RREB1: variants seen among roughly 807,000 people sequenced by gnomAD.
RREB1 encodes ras responsive element binding protein 1.
In RREB1, 27 loss-of-function variants were observed where a neutral mutation model predicts 117.8. The observed-to-expected ratio is 0.23, with a 90% CI of 0.17 to 0.32. RREB1 has a LOEUF of 0.32. Ranked by LOEUF, RREB1 falls within the 10% of genes least tolerant of loss-of-function variation. The pLI is 1.00. For missense variants in RREB1, 2,577 were observed against 2,378.2 expected (o/e 1.08, Z -1.74); for synonymous variants, 1,298 against 1,026.7 (o/e 1.26, Z -5.05).
At chr6:7,151,995 C>T (rs781707768) in intron 1 of RREB1, among the ~76,000 whole-genome samples, 7 of 152,140 alleles carry the variant, frequency 4.6e-5, no homozygotes, top group Non-Finnish European at 8.8e-5. Flanking sequence ...GTTTTCAAAA[C>T]GTTGGATATT....
chr6:7,180,492 A>T (rs1056899114), intron 2 of RREB1, among the ~76,000 whole-genome samples: 2 of 152,206 alleles, frequency 1.3e-5, no homozygotes, highest in African/African-American at 4.8e-5. Flanking sequence ...ATATCCAATT[A>T]CCTTATGGTA....
intron 1 of RREB1, among the ~76,000 whole-genome samples, chr6:7,144,102 C>T (rs1762754707): frequency 6.6e-6 from 1 of 151,708 alleles, no homozygotes; most frequent in African/African-American, 2.4e-5. Flanking sequence ...ATGTGACTTC[C>T]AAATTTTCCT....
intron 1 of RREB1, among the ~76,000 whole-genome samples, chr6:7,135,336 A>G (rs1328374613): frequency 3.3e-5 from 5 of 152,226 alleles, no homozygotes; most frequent in Admixed American, 2.6e-4. Flanking sequence ...AAAGTACCAT[A>G]TAAAGGATTA....
At chr6:7,209,594 G>A (rs150687562) in intron 6 of RREB1, among the ~76,000 whole-genome samples, 1,688 of 125,604 alleles carry the variant, frequency 0.013, 15 homozygotes, top group Middle Eastern at 0.032. Flanking sequence ...TTTTTTTTGA[G>A]ACCGGTTCTC....
chr6:7,238,126 C>G lies in RREB1; in HGVS notation c.3809-2312C>G, dbSNP rs143593993. ...GTTCTTTTCTCAATCTGGCCAGACT[C>G]AGAGAAGCAGCAGTGTTACCTTTTG... On this transcript the variant is annotated intron_variant, in intron 10 of 12. Transcript: ENST00000379938. 1.4e-4 allele frequency among the ~76,000 whole-genome samples: 21 copies of G among 152,298 alleles called. 1 individual carries two copies. The East Asian group carries it at 4.0e-3, about 29-fold the overall frequency.
chr6:7,149,890 T>C (rs1166313688), intron 1 of RREB1, among the ~76,000 whole-genome samples: 6 of 152,270 alleles, frequency 3.9e-5, no homozygotes, highest in Admixed American at 3.3e-4. Flanking sequence ...GGTTTCACCA[T>C]GTTGGCCAGG....
chr6:7,242,649 C>T (rs143632668), intron 11 of RREB1, among the ~76,000 whole-genome samples: 1 of 150,944 alleles, frequency 6.6e-6, no homozygotes, highest in African/African-American at 2.4e-5. Context: ...GGTTCCCCCC[C>T]CCCAGTGAAG....
chr6:7,173,703 C>T (rs556694915), intron 1 of RREB1, among the ~76,000 whole-genome samples: 18 of 151,852 alleles, frequency 1.2e-4, no homozygotes, highest in Non-Finnish European at 2.1e-4. Context: ...GCCTGTAATC[C>T]CAGCTACCCG....
At chr6:7,112,574 A>G (rs769722687) in intron 1 of RREB1, among the ~76,000 whole-genome samples, 1 of 152,146 alleles carries the variant, frequency 6.6e-6, no homozygotes, top group East Asian at 1.9e-4. Flanking sequence ...TGAGGGTTGC[A>G]GGGTTGCAGG....
intron 1 of RREB1, among the ~76,000 whole-genome samples, chr6:7,116,772 G>C (rs1761418351): frequency 6.6e-6 from 1 of 152,158 alleles, no homozygotes; most frequent in African/African-American, 2.4e-5. Flanking sequence ...ATAAAAGTTG[G>C]CTCAGCTTAA....
intron 1 of RREB1, among the ~76,000 whole-genome samples, chr6:7,163,430 T>C (rs1038355744): frequency 2.6e-5 from 4 of 152,164 alleles, no homozygotes; most frequent in African/African-American, 2.4e-5. Context: ...CTTGCTCTGT[T>C]GCCCAGGCTG....
chr6:7,142,520 G>A (rs1050273048), intron 1 of RREB1, among the ~76,000 whole-genome samples: 9 of 152,230 alleles, frequency 5.9e-5, no homozygotes, highest in Non-Finnish European at 1.3e-4. Context: ...AGGCTGTTCC[G>A]GTGGCTAAAG....
At chr6:7,182,675 A>T (rs1333126134) in intron 4 of RREB1, among the ~76,000 whole-genome samples, 1 of 152,232 alleles carries the variant, frequency 6.6e-6, no homozygotes, top group Non-Finnish European at 1.5e-5. Flanking sequence ...TCTTCAATGT[A>T]AGATGGGACA....
At position 7,230,715 on chromosome 6, in the gene RREB1, G is replaced by C. The variant is rs748686163; in HGVS notation, c.2616G>C (p.Arg872Ser). ...FLEPQNGFLH[R>S]GPTQPPPPHV... ...AACCCCAGAACGGCTTTCTTCACAG[G>C]GGCCCCACCCAGCCTCCACCTCCCC... Residue 872 changes from arginine (R) to serine (S), a missense_variant, in exon 10 of 13, where the codon AGG becomes AGC. Physicochemically the swap from Arg to Ser is moderately radical, Grantham distance 110. Coordinates refer to ENST00000379938, the MANE Select transcript of RREB1 (RefSeq NM_001003699.4). 1.9e-6 allele frequency: 3 copies of C among 1,596,272 alleles called. No individual in the cohort carries two copies. Among genetic ancestry groups the C allele is most frequent in the Non-Finnish European group, 2.6e-6 (3 of 1,170,476 alleles).
intron 1 of RREB1, among the ~76,000 whole-genome samples, chr6:7,167,988 C>T (rs1039817586): frequency 4.0e-5 from 6 of 151,872 alleles, no homozygotes; most frequent in East Asian, 1.9e-4. Context: ...AGGCTGGGCA[C>T]GGTGGTTCAC....
intron 1 of RREB1, among the ~76,000 whole-genome samples, chr6:7,162,269 A>C (rs1176257806): frequency 6.6e-6 from 1 of 151,604 alleles, no homozygotes; most frequent in East Asian, 1.9e-4. Context: ...ATGGCAGTTT[A>C]CCCTAAAAAA....
At chr6:7,199,583 C>CT (rs965989063) in intron 6 of RREB1, among the ~76,000 whole-genome samples, 2 of 151,984 alleles carry the variant, frequency 1.3e-5, no homozygotes, top group African/African-American at 4.8e-5. Flanking sequence ...TTTTTTTCTT[C>CT]TTTTTTGATT....
At chr6:7,187,401 A>G in intron 4 of RREB1, 33 bp from the exon 5 acceptor site, 1 of 1,373,850 alleles carries the variant, frequency 7.3e-7, no homozygotes, top group Non-Finnish European at 1.0e-6. Context: ...CTGTGAGTTG[A>G]AATTTATCTT....
chr6:7,231,029 C>G lies in RREB1; in HGVS notation c.2930C>G (p.Pro977Arg). 1 of 1,614,054 alleles carries G rather than the reference C, an allele frequency of 6.2e-7. No homozygotes were observed. Among genetic ancestry groups the G allele is most frequent in the Non-Finnish European group, 8.5e-7 (1 of 1,180,028 alleles). ...CCCTCTCCCTGCCCAGCACCCGGCC[C>G]TTCTCTTCCTGTAACTTTGGGGCCC... ...EQPSPCPAPGPSLPVTLGPSG... is the reference protein window; with the variant it reads ...EQPSPCPAPGRSLPVTLGPSG... Residue 977 changes from proline to arginine, a missense_variant, in exon 10 of 13, where the codon CCT becomes CGT. Transcript: ENST00000379938.
Sources: allele counts gnomAD v4.1 joint callset (sites outside exome capture counted in the v4.1 genomes callset), GRCh38; gene constraint gnomAD v4.1.1; transcripts MANE v1.5; gene names NCBI Gene and HGNC (gene_info 2026-07-23, HGNC 2026-07-21).